Variants in SLC44A5 observed in about 807,000 individuals in gnomAD.
SLC44A5 encodes choline transporter-like protein 5.
A neutral mutation model predicts 101.8 loss-of-function variants in SLC44A5; 57 were observed. The observed-to-expected ratio is 0.56, with a 90% confidence interval of 0.45 to 0.70. The LOEUF is 0.70. SLC44A5 is among the 30% of genes least tolerant of loss of function. SLC44A5 has a pLI of 0.00. For missense variants in SLC44A5, 737 were observed against 853.1 expected (o/e 0.86, Z 1.70); for synonymous variants, 281 against 290.9 (o/e 0.97, Z 0.35).
At chr1:75,392,170 G>T in intron 3 of SLC44A5, among the ~76,000 whole-genome samples, 1 of 151,974 alleles carries the variant, frequency 6.6e-6, no homozygotes, top group East Asian at 1.9e-4. Flanking sequence ...ATTGACAAGT[G>T]GGACCTAATT....
chr1:75,611,487 G>T (rs539460118), upstream of SLC44A5, among the ~76,000 whole-genome samples: 6 of 152,032 alleles, frequency 3.9e-5, no homozygotes, highest in South Asian at 1.2e-3. Flanking sequence ...TGAGACCCAA[G>T]AGCATGATTT....
chr1:75,412,807 C>A (rs1463252873), intron 2 of SLC44A5, among the ~76,000 whole-genome samples: 1 of 152,172 alleles, frequency 6.6e-6, no homozygotes, highest in Non-Finnish European at 1.5e-5. Context: ...TGTCCAGCAT[C>A]TCCATGCTAT....
At chr1:75,564,913 C>T (rs1247323041) in intron 1 of SLC44A5, among the ~76,000 whole-genome samples, 3 of 152,180 alleles carry the variant, frequency 2.0e-5, no homozygotes, top group Admixed American at 1.3e-4. Flanking sequence ...TGAGCCACTG[C>T]GCCCGGCCTA....
chr1:75,370,346 C>T (rs1660147065), intron 3 of SLC44A5, among the ~76,000 whole-genome samples: 1 of 152,138 alleles, frequency 6.6e-6, no homozygotes, highest in Non-Finnish European at 1.5e-5. Context: ...ATTTTTTCCA[C>T]TTCAAACTGC....
the SLC44A5 span, among the ~76,000 whole-genome samples, chr1:75,659,602 C>A: frequency 4.4e-5 from 4 of 90,242 alleles, no homozygotes; most frequent in East Asian, 3.2e-4. Context: ...CCAGCCTTGG[C>A]AACATTGCAA....
chr1:75,349,855 T>A (rs1299449505), intron 3 of SLC44A5, among the ~76,000 whole-genome samples: 2 of 152,162 alleles, frequency 1.3e-5, no homozygotes, highest in African/African-American at 4.8e-5. Flanking sequence ...TTTATAAGTA[T>A]GCAGGCTGCA....
chr1:75,564,106 T>C (rs1249637382), intron 1 of SLC44A5, among the ~76,000 whole-genome samples: 1 of 152,170 alleles, frequency 6.6e-6, no homozygotes, highest in African/African-American at 2.4e-5. Flanking sequence ...ATCAGAACAC[T>C]GTACAAATAC....
At chr1:75,496,361 A>G (rs1322539689) in intron 2 of SLC44A5, among the ~76,000 whole-genome samples, 1 of 152,158 alleles carries the variant, frequency 6.6e-6, no homozygotes, top group Non-Finnish European at 1.5e-5. Flanking sequence ...GGGAAAAGAC[A>G]GTCTCTTCAA....
At chr1:75,528,487 CAA>C (rs1463403631) in intron 2 of SLC44A5, among the ~76,000 whole-genome samples, 1 of 152,156 alleles carries the variant, frequency 6.6e-6, no homozygotes, top group Non-Finnish European at 1.5e-5. Flanking sequence ...GCACCAAACA[CAA>C]AAGCACTAGC....
intron 2 of SLC44A5, among the ~76,000 whole-genome samples, chr1:75,459,861 A>T (rs777914241): frequency 2.0e-5 from 3 of 152,194 alleles, no homozygotes; most frequent in Non-Finnish European, 4.4e-5. Flanking sequence ...TATGTTGCCC[A>T]GGCTGGCCTT....
chr1:75,666,964 A>G, the SLC44A5 span, among the ~76,000 whole-genome samples: 1 of 152,212 alleles, frequency 6.6e-6, no homozygotes, highest in African/African-American at 2.4e-5. Flanking sequence ...TTTATGACAA[A>G]CCCACAGCCA....
chr1:75,637,151 C>T, the SLC44A5 span, among the ~76,000 whole-genome samples: 3 of 151,932 alleles, frequency 2.0e-5, no homozygotes, highest in East Asian at 5.8e-4. Context: ...CCAGCAACTC[C>T]ATTCCTCAGT....
At chr1:75,227,704 A>G in intron 13 of SLC44A5, 22 bp downstream of exon 13, 1 of 1,534,488 alleles carries the variant, frequency 6.5e-7, no homozygotes. Context: ...ATTTTAATGA[A>G]ACCAGTTTTT....
At chr1:75,376,833 C>T (rs1446510944) in intron 3 of SLC44A5, among the ~76,000 whole-genome samples, 1 of 152,224 alleles carries the variant, frequency 6.6e-6, no homozygotes, top group African/African-American at 2.4e-5. Flanking sequence ...TGGAGAATGA[C>T]TTTGACAAGC....
At chr1:75,607,600 C>T (rs1199484063) in intron 1 of SLC44A5, among the ~76,000 whole-genome samples, 2 of 151,992 alleles carry the variant, frequency 1.3e-5, no homozygotes, top group South Asian at 2.1e-4. Flanking sequence ...TGAATTGTAA[C>T]TCCCATAATT....
At chr1:75,451,159 G>A (rs546142301) in intron 2 of SLC44A5, among the ~76,000 whole-genome samples, 1 of 152,298 alleles carries the variant, frequency 6.6e-6, no homozygotes, top group East Asian at 1.9e-4. Context: ...CGACTTCTAG[G>A]TGGGCCATCT....
intron 3 of SLC44A5, among the ~76,000 whole-genome samples, chr1:75,346,369 A>G (rs1192780848): frequency 6.6e-6 from 1 of 152,136 alleles, no homozygotes; most frequent in Non-Finnish European, 1.5e-5. Context: ...GCTCTATATG[A>G]ACACAAATCA....
At chr1:75,532,158 G>A (rs1670755907) in intron 2 of SLC44A5, among the ~76,000 whole-genome samples, 1 of 152,160 alleles carries the variant, frequency 6.6e-6, no homozygotes, top group African/African-American at 2.4e-5. Context: ...TAGACAATCA[G>A]TAAGTTTCTC....
intron 2 of SLC44A5, among the ~76,000 whole-genome samples, chr1:75,474,976 T>C (rs575810553): frequency 5.3e-5 from 8 of 152,366 alleles, no homozygotes; most frequent in African/African-American, 1.9e-4. Flanking sequence ...ACAATTCAAC[T>C]GCCTGAATGA....
Sources: allele counts gnomAD v4.1 joint callset (sites outside exome capture counted in the v4.1 genomes callset), GRCh38; gene constraint gnomAD v4.1.1; transcripts MANE v1.5; gene names NCBI Gene and HGNC (gene_info 2026-07-23, HGNC 2026-07-21).